TRIQK: variants seen among roughly 807,000 people sequenced by gnomAD.
The protein encoded by TRIQK is triple QxxK/R motif-containing protein.
TRIQK carries 10 observed loss-of-function variants against 10.8 expected under a neutral mutation model. The observed-to-expected ratio is 0.92, with a 90% CI of 0.57 to 1.57. The LOEUF (loss-of-function observed/expected upper bound fraction) is 1.57. Ranked by LOEUF, TRIQK falls within the 40% of genes most tolerant of loss-of-function variation. The pLI is 0.00. For missense variants in TRIQK, 107 were observed against 97.7 expected, an observed-to-expected ratio of 1.09 and a Z score of -0.40; for synonymous variants, 33 against 33.7, an observed-to-expected ratio of 0.98 and a Z score of 0.07.
At chr8:92,976,555 A>G (rs1344338962) in intron 1 of TRIQK, among the ~76,000 whole-genome samples, 1 of 151,952 alleles carries the variant, frequency 6.6e-6, no homozygotes, top group Admixed American at 6.6e-5. Context: ...TGTAGACAAC[A>G]TGTAGTTGAG....
intron 2 of TRIQK, among the ~76,000 whole-genome samples, chr8:92,929,994 GT>G (rs1310092948): frequency 6.6e-6 from 1 of 151,814 alleles, no homozygotes; most frequent in East Asian, 1.9e-4. Flanking sequence ...CTTTCTAAAA[GT>G]TTTAAAAACT....
At chr8:93,011,193 CACACACACACACAT>C (rs1161920919) in intron 1 of TRIQK, among the ~76,000 whole-genome samples, 1 of 120,212 alleles carries the variant, frequency 8.3e-6, no homozygotes, top group South Asian at 2.9e-4. Flanking sequence ...CACACACACA[CACACACACACACAT>C]ATATATATAT....
At chr8:92,952,627 A>G (rs1263075391) in intron 2 of TRIQK, among the ~76,000 whole-genome samples, 1 of 152,072 alleles carries the variant, frequency 6.6e-6, no homozygotes, top group Non-Finnish European at 1.5e-5. Context: ...AAAAGGATAA[A>G]TGTCAAAAAA....
At chr8:93,005,573 T>C (rs1261079016) in intron 1 of TRIQK, among the ~76,000 whole-genome samples, 4 of 152,146 alleles carry the variant, frequency 2.6e-5, no homozygotes, top group Non-Finnish European at 1.5e-5. Context: ...ATTATTTCAA[T>C]AGACATAGAT....
upstream of TRIQK, among the ~76,000 whole-genome samples, chr8:92,970,649 G>A (rs1812865321): frequency 6.6e-6 from 1 of 152,022 alleles, no homozygotes; most frequent in Admixed American, 6.6e-5. Flanking sequence ...TAATGGGGTT[G>A]TTTTTCTCTT....
At chr8:92,988,181 T>A (rs538578645) in intron 1 of TRIQK, among the ~76,000 whole-genome samples, 1 of 151,484 alleles carries the variant, frequency 6.6e-6, no homozygotes, top group African/African-American at 2.4e-5. Flanking sequence ...CGGCTAAATT[T>A]TTTTTTTTGT....
intron 2 of TRIQK, among the ~76,000 whole-genome samples, chr8:92,929,239 C>T (rs1033747685): frequency 2.6e-5 from 4 of 152,242 alleles, no homozygotes; most frequent in African/African-American, 9.6e-5. Context: ...GTGGACCATA[C>T]TTGGCAAATA....
intron 1 of TRIQK, among the ~76,000 whole-genome samples, chr8:92,994,386 T>A (rs1453472032): frequency 2.7e-5 from 4 of 146,994 alleles, no homozygotes; most frequent in Non-Finnish European, 5.9e-5. Context: ...ACTCCTTTTT[T>A]TCAACATTTT....
intron 1 of TRIQK, among the ~76,000 whole-genome samples, chr8:92,958,707 C>T (rs775834499): frequency 1.8e-4 from 28 of 151,970 alleles, no homozygotes; most frequent in Non-Finnish European, 3.1e-4. Flanking sequence ...ATCTGAGTCC[C>T]TTGAACTGAA....
intron 2 of TRIQK, among the ~76,000 whole-genome samples, chr8:92,940,366 T>G (rs774640890): frequency 6.8e-6 from 1 of 146,964 alleles, no homozygotes; most frequent in Non-Finnish European, 1.5e-5. Flanking sequence ...CAACTGTATA[T>G]ACTGTCTGCA....
At chr8:93,004,718 G>A (rs1813250636) in intron 1 of TRIQK, among the ~76,000 whole-genome samples, 1 of 152,184 alleles carries the variant, frequency 6.6e-6, no homozygotes, top group Non-Finnish European at 1.5e-5. Flanking sequence ...TTGCTGCTTA[G>A]AAATTTCTTC....
At chr8:92,929,971 T>A (rs549702714) in intron 2 of TRIQK, among the ~76,000 whole-genome samples, 3 of 152,216 alleles carry the variant, frequency 2.0e-5, no homozygotes, top group Admixed American at 6.5e-5. Flanking sequence ...AAGATTTTTT[T>A]ATGAAAACTG....
chr8:92,987,457 T>C (rs1813046362), intron 1 of TRIQK, among the ~76,000 whole-genome samples: 1 of 152,214 alleles, frequency 6.6e-6, no homozygotes, highest in Non-Finnish European at 1.5e-5. Context: ...TGTGTGTATG[T>C]CATTTGGTTT....
chr8:92,886,761 G>A (rs1816505899), intron 4 of TRIQK, 26 bp from the exon 5 acceptor site: 3 of 1,254,044 alleles, frequency 2.4e-6, no homozygotes, highest in Admixed American at 2.0e-5. Context: ...AAGTAGACTT[G>A]AAATTGATGA....
At chr8:92,927,779 AAG>A (rs887556033) in intron 2 of TRIQK, among the ~76,000 whole-genome samples, 3 of 152,152 alleles carry the variant, frequency 2.0e-5, no homozygotes, top group Non-Finnish European at 2.9e-5. Context: ...TAAACAGCAA[AAG>A]AGAGAGGTAG....
chr8:92,907,597 G>A (rs1586398614), intron 3 of TRIQK, among the ~76,000 whole-genome samples: 1 of 152,194 alleles, frequency 6.6e-6, no homozygotes, highest in East Asian at 1.9e-4. Context: ...TGGAGTTTTT[G>A]ATAGCAAAGA....
chr8:92,928,777 T>C (rs1018349401), intron 2 of TRIQK, among the ~76,000 whole-genome samples: 22 of 152,156 alleles, frequency 1.4e-4, no homozygotes, highest in African/African-American at 5.3e-4. Flanking sequence ...ATGATCAAAT[T>C]GTGGACGTTT....
intron 1 of TRIQK, among the ~76,000 whole-genome samples, chr8:92,971,366 C>T (rs1586518391): frequency 6.6e-6 from 1 of 152,098 alleles, no homozygotes; most frequent in African/African-American, 2.4e-5. Flanking sequence ...TCTCTGTTTG[C>T]AGATGACATG....
chr8:92,928,897 A>G (rs1026299193), intron 2 of TRIQK, among the ~76,000 whole-genome samples: 4 of 152,218 alleles, frequency 2.6e-5, no homozygotes, highest in Admixed American at 6.5e-5. Flanking sequence ...GATTAGAAAG[A>G]CTAGGAGGTT....
Sources: allele counts gnomAD v4.1 joint callset (sites outside exome capture counted in the v4.1 genomes callset), GRCh38; gene constraint gnomAD v4.1.1; transcripts MANE v1.5; gene names NCBI Gene and HGNC (gene_info 2026-07-23, HGNC 2026-07-21).